The following TRABD2B variants were observed in gnomAD, a reference collection of about 807,000 sequenced individuals.
TRABD2B encodes TraB domain containing 2B.
Under a neutral mutation model 40.1 loss-of-function variants are expected in TRABD2B, and 14 were observed. The ratio of observed to expected loss-of-function variants is 0.35; its 90% CI spans 0.23 to 0.55. The LOEUF (loss-of-function observed/expected upper bound fraction) is 0.55, where lower values mean the gene tolerates loss of function less well. Among genes scored for constraint, TRABD2B ranks in the 20% least tolerant of loss-of-function variants. The pLI is 0.90. For missense variants in TRABD2B, 541 were observed against 648.6 expected, an observed-to-expected ratio of 0.83 and a Z score of 1.80; for synonymous variants, 263 against 277.0, an observed-to-expected ratio of 0.95 and a Z score of 0.50.
At chr1:47,827,741 G>A (rs1226851109) in intron 2 of TRABD2B, among the ~76,000 whole-genome samples, 1 of 152,102 alleles carries the variant, frequency 6.6e-6, no homozygotes. Context: ...TTAAACAGGA[G>A]GGATTTAAAC....
chr1:47,787,107 G>T (rs1644606468), intron 4 of TRABD2B, among the ~76,000 whole-genome samples: 1 of 152,194 alleles, frequency 6.6e-6, no homozygotes, highest in African/African-American at 2.4e-5. Context: ...GCCACCAAGT[G>T]AAGAACCATG....
rs112220700 is a variant in TRABD2B at position 47,861,010 on chromosome 1, T to A, written c.667-59391A>T. Among the ~76,000 whole-genome samples the A allele has an allele frequency of 7.2e-5, 11 of 152,326 alleles. 2 individuals carry two copies. Among genetic ancestry groups the A allele is most frequent in the African/African-American group, 2.2e-4 (9 of 41,572 alleles). On this transcript the variant is annotated intron_variant, in intron 2 of 6. Transcript: ENST00000606738. The stretch of plus-strand genomic sequence containing the variant: ...TGAAATGGACTAAGACAGGGTCTCA[T>A]AGACCAATGGAATGTTAGCCTTGGT...
intron 2 of TRABD2B, among the ~76,000 whole-genome samples, chr1:47,860,393 G>T (rs1643949667): frequency 6.6e-6 from 1 of 152,122 alleles, no homozygotes; most frequent in Admixed American, 6.5e-5. Context: ...GAACATCTCT[G>T]TCTCCTCCTT....
At chr1:47,903,614 T>C (rs1260667567) in intron 2 of TRABD2B, among the ~76,000 whole-genome samples, 1 of 151,540 alleles carries the variant, frequency 6.6e-6, no homozygotes, top group Non-Finnish European at 1.5e-5. Context: ...CCTGAGAAAA[T>C]AGTTGGAAGG....
chr1:47,904,045 G>A (rs949557379), intron 2 of TRABD2B, among the ~76,000 whole-genome samples: 6 of 152,188 alleles, frequency 3.9e-5, no homozygotes, highest in Non-Finnish European at 7.3e-5. Flanking sequence ...GAAGAAAAGA[G>A]ATGGGCATAT....
chr1:47,844,072 C>T (rs1645434995), intron 2 of TRABD2B, among the ~76,000 whole-genome samples: 1 of 152,216 alleles, frequency 6.6e-6, no homozygotes. Context: ...CAGGTAATTT[C>T]AGCCAAGTGC....
chr1:47,840,260 G>A (rs563333244), intron 2 of TRABD2B, among the ~76,000 whole-genome samples: 30 of 152,276 alleles, frequency 2.0e-4, no homozygotes, highest in African/African-American at 7.0e-4. Context: ...TACATGCTGA[G>A]CCCTTTCACA....
At position 47,919,192 on chromosome 1, in the gene TRABD2B, A is replaced by G. The variant is rs189151358; in HGVS notation, c.666+74842T>C. 9.9e-4 allele frequency among the ~76,000 whole-genome samples: 151 copies of G among 152,366 alleles called. No individual in the cohort carries two copies. The South Asian group carries it at 0.023, about 23-fold the overall frequency. On this transcript the variant is annotated intron_variant, in intron 2 of 6. Transcript: ENST00000606738. ...AAATGGGTCAGTGAATAAGTGAATG[A>G]ATAGACAATTATCTGAACAAATGAA...
chr1:47,965,383 T>C (rs112861832), intron 2 of TRABD2B, among the ~76,000 whole-genome samples: 1,748 of 148,914 alleles, frequency 0.012, 42 homozygotes, highest in African/African-American at 0.042. Flanking sequence ...AGCATCTCCT[T>C]CCCTGCAAAA....
intron 2 of TRABD2B, among the ~76,000 whole-genome samples, chr1:47,925,355 A>C (rs1298097682): frequency 6.6e-6 from 1 of 152,244 alleles, no homozygotes; most frequent in Non-Finnish European, 1.5e-5. Context: ...AGCAAAGAAC[A>C]AGGATATGAA....
At chr1:47,878,924 G>A (rs562227408) in intron 2 of TRABD2B, among the ~76,000 whole-genome samples, 1 of 150,998 alleles carries the variant, frequency 6.6e-6, no homozygotes, top group Non-Finnish European at 1.5e-5. Context: ...TAGTGAGACC[G>A]CATCTCTACA....
rs181888863 is a variant in TRABD2B, at chr1:47,941,861, T to C, written c.666+52173A>G. The stretch of plus-strand genomic sequence containing the variant: ...CTCATCTGCAAAAAAGGAATAATTA[T>C]AGAACTTAGCCACCAGGTTTTAGTG... On this transcript the variant is annotated intron_variant, in intron 2 of 6. Coordinates refer to ENST00000606738, the MANE Select transcript of TRABD2B (RefSeq NM_001194986.2). Among the ~76,000 whole-genome samples, 155 of 152,370 alleles carry C rather than the reference T, an allele frequency of 1.0e-3. 1 individual carries two copies. In the Middle Eastern group the frequency reaches 0.01, roughly 10 times the overall value.
intron 2 of TRABD2B, among the ~76,000 whole-genome samples, chr1:47,985,278 T>C (rs545505460): frequency 6.6e-6 from 1 of 152,358 alleles, no homozygotes; most frequent in Non-Finnish European, 1.5e-5. Context: ...CGTGTAAACT[T>C]AAAGACTGAC....
At chr1:47,786,325 C>T (rs576593889) in intron 4 of TRABD2B, among the ~76,000 whole-genome samples, 37 of 152,344 alleles carry the variant, frequency 2.4e-4, no homozygotes, top group South Asian at 1.2e-3. Flanking sequence ...AGCTCCCTGC[C>T]AGATTTGTAC....
At chr1:47,825,192 T>C (rs1218106418) in intron 2 of TRABD2B, among the ~76,000 whole-genome samples, 1 of 152,178 alleles carries the variant, frequency 6.6e-6, no homozygotes, top group African/African-American at 2.4e-5. Context: ...GTCTCAATAA[T>C]TCTCACAATA....
rs1646064376 is a variant in TRABD2B, at chr1:47,994,648, G to C, written c.103-51C>G. 2 of 1,485,960 alleles carry C rather than the reference G, an allele frequency of 1.3e-6. No homozygotes were observed. The highest frequency in any genetic ancestry group is 2.0e-5 in the Admixed American group (1 of 49,170). The allele number at this position is 1,485,960 out of a possible 1,614,324, so 92.0% of individuals were successfully genotyped here. A position where few individuals can be genotyped will look rare whatever the true frequency, so the allele number is the denominator to read the frequency against. ...CAGTGAGGCCGAAGGCAACAGAGTA[G>C]AGTCAGGGTAGCCCAGAGGCACGTT... is the stretch of plus-strand genomic sequence containing the variant. On this transcript the variant is annotated intron_variant, in intron 1 of 6. Transcript: ENST00000606738. The surrounding 1 kb of genome is among the most constrained non-coding windows in gnomAD (Gnocchi z 6.7).
intron 2 of TRABD2B, among the ~76,000 whole-genome samples, chr1:47,956,240 G>C (rs900890736): frequency 6.6e-6 from 1 of 152,160 alleles, no homozygotes; most frequent in African/African-American, 2.4e-5. Context: ...AACTCATGGA[G>C]GTTCCAAGAT....
intron 2 of TRABD2B, among the ~76,000 whole-genome samples, chr1:47,981,635 C>T (rs1356840684): frequency 5.3e-5 from 8 of 152,164 alleles, no homozygotes; most frequent in Non-Finnish European, 1.5e-5. Context: ...CCCTCAGGAT[C>T]TGGAACTGAG....
chr1:47,822,671 A>G (rs1036194423), intron 2 of TRABD2B, among the ~76,000 whole-genome samples: 9 of 152,224 alleles, frequency 5.9e-5, no homozygotes, highest in Non-Finnish European at 1.3e-4. Flanking sequence ...TTTTAATCCT[A>G]TAAGGTAGCT....
Sources: allele counts gnomAD v4.1 joint callset (sites outside exome capture counted in the v4.1 genomes callset), GRCh38; gene constraint gnomAD v4.1.1; non-coding constraint Gnocchi (gnomAD v3.1); transcripts MANE v1.5; gene names NCBI Gene and HGNC (gene_info 2026-07-23, HGNC 2026-07-21).